The following ARSB variants were observed in gnomAD, a reference collection of about 807,000 sequenced individuals.
The protein encoded by ARSB is arylsulfatase B.
Under a neutral mutation model 50.9 loss-of-function variants are expected in ARSB, and 41 were observed. That is an observed-to-expected ratio of 0.81 (90% confidence interval 0.63 to 1.04). ARSB has a LOEUF of 1.04. ARSB is among the 50% of genes least tolerant of loss of function. ARSB has a pLI of 0.00. For synonymous variants in ARSB, 269 were observed against 284.8 expected (o/e 0.94, Z 0.56); for missense variants, 672 against 693.3 (o/e 0.97, Z 0.35).
chr5:78,942,536 A>G (rs1410334969), intron 4 of ARSB, among the ~76,000 whole-genome samples: 3 of 152,142 alleles, frequency 2.0e-5, no homozygotes, highest in Non-Finnish European at 4.4e-5. Context: ...TCATTTCATT[A>G]TGTACCCAGT....
intron 5 of ARSB, among the ~76,000 whole-genome samples, chr5:78,847,628 G>A (rs1244530441): frequency 6.6e-6 from 1 of 152,176 alleles, no homozygotes; most frequent in African/African-American, 2.4e-5. Flanking sequence ...GGAAGAGTTT[G>A]AGAAGAATTT....
At chr5:78,795,943 T>C (rs1221419260) in intron 6 of ARSB, among the ~76,000 whole-genome samples, 1 of 152,228 alleles carries the variant, frequency 6.6e-6, no homozygotes, top group South Asian at 2.1e-4. Context: ...AGAGTTCAAA[T>C]GTTAATCATT....
chr5:78,964,323 T>C, intron 3 of ARSB, 93 bp downstream of exon 3: 4 of 1,254,868 alleles, frequency 3.2e-6, no homozygotes, highest in Non-Finnish European at 4.6e-6. Context: ...TTATTAGATT[T>C]TTCCCTAAAC....
At chr5:78,902,667 A>C (rs1748860750) in intron 4 of ARSB, among the ~76,000 whole-genome samples, 1 of 152,246 alleles carries the variant, frequency 6.6e-6, no homozygotes, top group African/African-American at 2.4e-5. Flanking sequence ...GCCAGACACA[A>C]AAAGCCATAT....
intron 6 of ARSB, among the ~76,000 whole-genome samples, chr5:78,817,520 T>C (rs1039698562): frequency 6.6e-6 from 1 of 152,128 alleles, no homozygotes; most frequent in Non-Finnish European, 1.5e-5. Context: ...AATTAAGATC[T>C]CTGATAGGCC....
chr5:78,961,817 T>C (rs755329864), intron 3 of ARSB, among the ~76,000 whole-genome samples: 2 of 151,856 alleles, frequency 1.3e-5, no homozygotes, highest in Non-Finnish European at 2.9e-5. Context: ...CATCCGAGAA[T>C]GGCTGTCACT....
chr5:78,794,561 A>G (rs553061451), intron 6 of ARSB, among the ~76,000 whole-genome samples: 1 of 152,282 alleles, frequency 6.6e-6, no homozygotes, highest in African/African-American at 2.4e-5. Context: ...AACAGAAAAC[A>G]AAGAAGAGAG....
rs1561419788 is a variant in ARSB, at chr5:78,777,873, T to TAAAAAAAAAAAA, written c.*2523_*2524insTTTTTTTTTTTT. On this transcript the variant is annotated 3_prime_UTR_variant, in exon 8 of 8. Transcript: ENST00000264914. ...TCTCAAAAAAAAAAAAAAAAAAAAT[T>TAAAAAAAAAAAA]GGAAAGAAATAACATTATTTCTAAC... 2 of 135,734 alleles carry TAAAAAAAAAAAA rather than the reference T, an allele frequency of 1.5e-5. No individual in the cohort carries two copies. The highest frequency in any genetic ancestry group is 1.6e-5 in the Non-Finnish European group (1 of 63,436). The allele number at this position is 135,734 out of a possible 1,614,324, so 8.4% of individuals were successfully genotyped here.
At chr5:78,901,144 T>TC (rs1478534064) in intron 4 of ARSB, among the ~76,000 whole-genome samples, 2 of 151,840 alleles carry the variant, frequency 1.3e-5, no homozygotes, top group Admixed American at 6.6e-5. Context: ...ACTTTTAAGG[T>TC]CACCGATTGC....
intron 6 of ARSB, among the ~76,000 whole-genome samples, chr5:78,800,704 A>C (rs1455095999): frequency 6.6e-6 from 1 of 152,196 alleles, no homozygotes; most frequent in East Asian, 1.9e-4. Flanking sequence ...TGGGAGAATA[A>C]ATGTCAATAA....
chr5:78,913,738 CA>C (rs1306702702), intron 4 of ARSB, among the ~76,000 whole-genome samples: 1 of 151,976 alleles, frequency 6.6e-6, no homozygotes, highest in Non-Finnish European at 1.5e-5. Flanking sequence ...ATGTTTATAC[CA>C]AAGTATAAAG....
At chr5:78,913,253 T>C (rs1749388152) in intron 4 of ARSB, among the ~76,000 whole-genome samples, 1 of 152,014 alleles carries the variant, frequency 6.6e-6, no homozygotes, top group African/African-American at 2.4e-5. Context: ...GCCTCCCAAG[T>C]AGCTGGGACT....
At chr5:78,945,023 C>T (rs1365263544) in intron 4 of ARSB, among the ~76,000 whole-genome samples, 5 of 152,180 alleles carry the variant, frequency 3.3e-5, no homozygotes, top group African/African-American at 7.2e-5. Context: ...AGTTTGATCT[C>T]AGACTGCTGT....
At chr5:78,814,863 A>C (rs1399475899) in intron 6 of ARSB, among the ~76,000 whole-genome samples, 1 of 150,806 alleles carries the variant, frequency 6.6e-6, no homozygotes, top group Non-Finnish European at 1.5e-5. Context: ...GGGCCTAGGA[A>C]GCTGCATTTT....
At chr5:78,899,006 C>T (rs1748690006) in intron 4 of ARSB, among the ~76,000 whole-genome samples, 1 of 152,088 alleles carries the variant, frequency 6.6e-6, no homozygotes, top group Non-Finnish European at 1.5e-5. Context: ...GTGGTGAATT[C>T]TCTCAGCTTT....
rs1748875181 is a variant in ARSB, at chr5:78,779,879, A to T, written c.*518T>A. 5.6e-6 allele frequency: 1 copy of T among 178,162 alleles called. No individual in the cohort carries two copies. Among genetic ancestry groups the T allele is most frequent in the African/African-American group, 2.4e-5 (1 of 41,878 alleles). The allele number at this position is 178,162 out of a possible 1,614,324, so 11.0% of individuals were successfully genotyped here. On this transcript the variant is annotated 3_prime_UTR_variant, in exon 8 of 8. Transcript: ENST00000264914. Reference sequence around the variant, plus strand: ...TGGGCCTTATGCTCTGTGATGAGATAAGTGAGTAAGGGGTGAACCAAGAGG... The same window carrying T: ...TGGGCCTTATGCTCTGTGATGAGATTAGTGAGTAAGGGGTGAACCAAGAGG...
chr5:78,927,645 A>G (rs1262244374), intron 4 of ARSB, among the ~76,000 whole-genome samples: 1 of 152,176 alleles, frequency 6.6e-6, no homozygotes, highest in Non-Finnish European at 1.5e-5. Flanking sequence ...CCCACCACCA[A>G]TTCTGCCTCT....
intron 4 of ARSB, among the ~76,000 whole-genome samples, chr5:78,939,416 T>A (rs543199522): frequency 6.6e-6 from 1 of 152,130 alleles, no homozygotes; most frequent in Non-Finnish European, 1.5e-5. Flanking sequence ...TATCTCCTAA[T>A]GCTATCCCTC....
At chr5:78,815,441 C>T (rs1429044567) in intron 6 of ARSB, 3 of 732,652 alleles carry the variant, frequency 4.1e-6, no homozygotes, top group Middle Eastern at 6.8e-4. Context: ...GAACAAGACA[C>T]CCCTCTCTGT....
Sources: allele counts gnomAD v4.1 joint callset (sites outside exome capture counted in the v4.1 genomes callset), GRCh38; gene constraint gnomAD v4.1.1; transcripts MANE v1.5; gene names NCBI Gene and HGNC (gene_info 2026-07-23, HGNC 2026-07-21).